Variants in CPAMD8 observed in about 807,000 individuals in gnomAD.
CPAMD8 encodes C3 and PZP like alpha-2-macroglobulin domain containing 8, also known as C3 and PZP-like alpha-2-macroglobulin domain-containing protein 8.
Under a neutral mutation model 224.7 loss-of-function variants are expected in CPAMD8, and 146 were observed. The ratio of observed to expected loss-of-function variants is 0.65; its 90% CI spans 0.57 to 0.75. The LOEUF (loss-of-function observed/expected upper bound fraction) is 0.75, where lower values mean the gene tolerates loss of function less well. CPAMD8 is among the 30% of genes least tolerant of loss of function. The pLI is 0.00. For synonymous variants in CPAMD8, 966 were observed against 1,044.6 expected (o/e 0.92, Z 1.45); for missense variants, 2,301 against 2,537.5 (o/e 0.91, Z 2.00).
At chr19:17,011,904 G>T in intron 3 of CPAMD8, 147 bp from the exon 4 acceptor site, 1 of 865,050 alleles carries the variant, frequency 1.2e-6, no homozygotes, top group Non-Finnish European at 1.7e-6. Context: ...TTCTGGAGAT[G>T]TTTTGGGGTG....
In CPAMD8 at chr19:16,903,844, G is replaced by A; in HGVS notation, c.4265C>T (p.Ala1422Val). The A allele has an allele frequency of 6.2e-7, 1 of 1,613,666 alleles. No individual in the cohort carries two copies. The highest frequency in any genetic ancestry group is 8.5e-7 in the Non-Finnish European group (1 of 1,180,002). Reference sequence around the variant, plus strand: ...GGCATATTCAGCCAAGGCCTGCAGAGCCACGCAGGTGTCCTGGGGATGGAG... The same window carrying A: ...GGCATATTCAGCCAAGGCCTGCAGAACCACGCAGGTGTCCTGGGGATGGAG... The part of the protein sequence containing the change: ...GFSSTQDTCV[A>V]LQALAEYAIL... Residue 1422 changes from alanine to valine, a missense_variant, in exon 33 of 42, where the codon GCT becomes GTT. By Grantham distance (64) the Ala-to-Val change is moderately conservative. Around this residue, in one of 4 missense-constraint regions of CPAMD8, gnomAD observed 1,709 missense variants for 1,753.2 expected, o/e 0.97. Transcript: ENST00000443236.
chr19:16,906,306 TCTC>T (rs2052475436), intron 30 of CPAMD8, among the ~76,000 whole-genome samples: 2 of 136,786 alleles, frequency 1.5e-5, no homozygotes, highest in South Asian at 5.5e-4. Context: ...CCTCCCTCTC[TCTC>T]TTCTCTCCCT....
intron 19 of CPAMD8, among the ~76,000 whole-genome samples, chr19:16,955,762 A>C (rs765290463): frequency 2.6e-5 from 4 of 152,086 alleles, no homozygotes; most frequent in Non-Finnish European, 5.9e-5. Flanking sequence ...CTGCAGCCTC[A>C]ACCTCCTGGG....
intron 41 of CPAMD8, chr19:16,895,394 G>A (rs968655055): frequency 6.3e-5 from 10 of 158,292 alleles, no homozygotes; most frequent in South Asian, 3.7e-4. Flanking sequence ...ATGGATACAC[G>A]AAACAACACA....
In CPAMD8 at chr19:16,961,368, T is replaced by C. The variant is rs991989187; in HGVS notation, c.2214-3453A>G. The stretch of plus-strand genomic sequence containing the variant: ...CAGCAGACCAGGAGATTCTCTCCCA[T>C]GCCTGGCTGGGCGGGTCCCACGCCC... On this transcript the variant is annotated intron_variant, in intron 18 of 41. Transcript: ENST00000443236. 3.3e-5 allele frequency among the ~76,000 whole-genome samples: 5 copies of C among 152,266 alleles called. 1 individual carries two copies. The South Asian group carries it at 6.2e-4, about 19-fold the overall frequency.
In CPAMD8 at chr19:17,022,477, T is replaced by C. The variant is rs116180434; in HGVS notation, c.93-296A>G. On this transcript the variant is annotated intron_variant, in intron 1 of 41. Coordinates refer to ENST00000443236, the MANE Select transcript of CPAMD8 (RefSeq NM_015692.5). ...CCTCCAGCCTGTTGACTCAGCTACT[T>C]CCTTCTGCCCCAGGACCTTTTTTTT... 3.1e-3 allele frequency among the ~76,000 whole-genome samples: 472 copies of C among 151,168 alleles called. 1 individual carries two copies. The highest frequency in any genetic ancestry group is 0.011 in the African/African-American group (447 of 41,234).
At position 16,966,697 on chromosome 19, in the gene CPAMD8, T is replaced by C. The variant is rs191734133; in HGVS notation, c.2213+4194A>G. Among the ~76,000 whole-genome samples the C allele has an allele frequency of 1.6e-3, 239 of 152,232 alleles. 1 individual carries two copies. The Middle Eastern group carries it at 0.017, about 11-fold the overall frequency. ...AGTGGGCAAAGGATATGAACAGACA[T>C]TTCTCAAAAGAAGACATTTATGCAT... On this transcript the variant is annotated intron_variant, in intron 18 of 41. Transcript: ENST00000443236.
intron 8 of CPAMD8, chr19:17,002,663 C>A: frequency 4.2e-6 from 1 of 238,442 alleles, no homozygotes; most frequent in Non-Finnish European, 8.3e-6. Context: ...CTCCTAGCCC[C>A]TGTGTCTGTG....
chr19:16,941,388 A>G (rs902087822), intron 22 of CPAMD8, among the ~76,000 whole-genome samples: 1 of 152,194 alleles, frequency 6.6e-6, no homozygotes, highest in Non-Finnish European at 1.5e-5. Context: ...ACCGTGGATG[A>G]ACCCTGAACA....
At chr19:16,904,176 A>ACCCCCCCCCC in intron 32 of CPAMD8, 50 bp downstream of exon 32, 1 of 937,334 alleles carries the variant, frequency 1.1e-6, no homozygotes, top group Non-Finnish European at 1.7e-6. Context: ...GACTGCAGGG[A>ACCCCCCCCCC]CCCCACCCAC....
chr19:16,990,863 CAAAAAAAAAAAAA>C (rs3067791), intron 12 of CPAMD8, among the ~76,000 whole-genome samples: 5 of 73,176 alleles, frequency 6.8e-5, no homozygotes, highest in South Asian at 6.1e-4. Context: ...AACTCTGTCT[CAAAAAAAAAAAAA>C]AAAAAAAAAA....
Position 16,928,013 on chromosome 19 carries a change from G to A in CPAMD8, c.3366C>T (p.Ile1122=), listed in dbSNP as rs1311355344. Residue 1122 remains isoleucine, a synonymous_variant, in exon 25 of 42, where the codon ATC becomes ATT. Transcript: ENST00000443236. ...CAGGCTGTGGGACAGACGCACCGAT[G>A]ATGGAGGCGGTGGCTCGCTCAGACC... The part of the protein sequence containing the change: ...IPGSERATAS[I]IGDVMGPTLN... The A allele has an allele frequency of 6.2e-7, 1 of 1,610,020 alleles. No homozygotes were observed. Among genetic ancestry groups the A allele is most frequent in the South Asian group, 1.1e-5 (1 of 91,020 alleles).
intron 3 of CPAMD8, chr19:17,013,568 A>T (rs1036097722): frequency 1.3e-5 from 2 of 149,264 alleles, no homozygotes; most frequent in Non-Finnish European, 3.0e-5. Context: ...TATATAGTGC[A>T]TGACTCCATT....
At chr19:16,950,096 G>A (rs2054250173) in intron 20 of CPAMD8, among the ~76,000 whole-genome samples, 1 of 151,272 alleles carries the variant, frequency 6.6e-6, no homozygotes, top group Non-Finnish European at 1.5e-5. Context: ...TCAGGAGTTC[G>A]AGACCAGCCT....
In CPAMD8 at chr19:16,982,705, G is replaced by A. The variant is rs147449718; in HGVS notation, c.1396-2019C>T. ...ATAAAAAAAATAGCTGGGTGTGGTG[G>A]CACAAGCCCATAGTCCCAGCTATCT... is the stretch of plus-strand genomic sequence containing the variant. On this transcript the variant is annotated intron_variant, in intron 13 of 41. Transcript: ENST00000443236. 9.3e-3 allele frequency among the ~76,000 whole-genome samples: 1,416 copies of A among 152,238 alleles called. 12 individuals are homozygous for A. The highest frequency in any genetic ancestry group is 0.015 in the Non-Finnish European group (1,030 of 68,010).
chr19:16,970,313 A>G (rs1162465351), intron 18 of CPAMD8, among the ~76,000 whole-genome samples: 1 of 151,324 alleles, frequency 6.6e-6, no homozygotes, highest in East Asian at 2.0e-4. Flanking sequence ...CAGGCCAGGT[A>G]CAGTGACTCA....
At chr19:16,948,087 TGC>T (rs2054166549) in intron 20 of CPAMD8, among the ~76,000 whole-genome samples, 1 of 152,218 alleles carries the variant, frequency 6.6e-6, no homozygotes, top group Non-Finnish European at 1.5e-5. Context: ...TGTGTGCATG[TGC>T]ATTGTGGGTG....
At chr19:16,999,406 C>T (rs922441437) in intron 10 of CPAMD8, among the ~76,000 whole-genome samples, 1 of 151,852 alleles carries the variant, frequency 6.6e-6, no homozygotes, top group African/African-American at 2.4e-5. Flanking sequence ...CAGTGAAACC[C>T]CGTCTCTACT....
chr19:16,986,610 G>A (rs1002744758), intron 13 of CPAMD8, among the ~76,000 whole-genome samples: 5 of 152,088 alleles, frequency 3.3e-5, no homozygotes, highest in Non-Finnish European at 5.9e-5. Context: ...CAGCCTTGGC[G>A]CCACGATTCC....
Sources: allele counts gnomAD v4.1 joint callset (sites outside exome capture counted in the v4.1 genomes callset), GRCh38; gene constraint gnomAD v4.1.1; regional missense constraint gnomAD v4.1.1; transcripts MANE v1.5; gene names NCBI Gene and HGNC (gene_info 2026-07-23, HGNC 2026-07-21).